The following STAB1 variants were observed in gnomAD, a reference collection of about 807,000 sequenced individuals.
The protein encoded by STAB1 is stabilin 1.
STAB1 carries 250 observed loss-of-function variants against 332.4 expected under a neutral mutation model. That is an observed-to-expected ratio of 0.75 (90% CI 0.68 to 0.84). The LOEUF (loss-of-function observed/expected upper bound fraction) is 0.84, where lower values mean the gene tolerates loss of function less well. STAB1 is among the 40% of genes least tolerant of loss of function. STAB1 has a pLI of 0.00. For synonymous variants in STAB1, 1,475 were observed against 1,390.4 expected (o/e 1.06, Z -1.35); for missense variants, 3,249 against 3,489.7 (o/e 0.93, Z 1.74).
At chr3:52,498,539 G>A (rs911611945) in intron 1 of STAB1, among the ~76,000 whole-genome samples, 9 of 152,262 alleles carry the variant, frequency 5.9e-5, no homozygotes, top group African/African-American at 1.9e-4. Flanking sequence ...GGTCCTGTGA[G>A]TGAGTGTCCA....
At chr3:52,516,802 A>G in intron 41 of STAB1, 34 bp downstream of exon 41, 1 of 1,598,264 alleles carries the variant, frequency 6.3e-7, no homozygotes, top group Non-Finnish European at 8.5e-7. Context: ...GCCCTCCCTG[A>G]AATTTTGGGG....
Position 52,503,329 on chromosome 3 carries a change from T to C in STAB1, c.695-15T>C. On this transcript the variant is annotated splice_polypyrimidine_tract_variant and intron_variant, in intron 7 of 68. Coordinates refer to ENST00000321725, the MANE Select transcript of STAB1 (RefSeq NM_015136.3). ...GGGTGCTTGGCTCACTTGGGCTCTC[T>C]CTCTGCCCTGGCAGCCCCCAACCCC... The C allele has an allele frequency of 1.2e-6, 2 of 1,600,380 alleles. No individual in the cohort carries two copies. The highest frequency in any genetic ancestry group is 1.7e-6 in the Non-Finnish European group (2 of 1,172,340).
In STAB1 at chr3:52,504,830, G is replaced by A. The variant is rs755168373; in HGVS notation, c.1331G>A (p.Trp444Ter). Residue 444 changes from tryptophan to a stop codon, truncating the protein, a stop_gained, in exon 12 of 69, where the codon TGG (tryptophan) becomes TAG (stop). Coordinates refer to ENST00000321725, the MANE Select transcript of STAB1 (RefSeq NM_015136.3). LOFTEE classifies it high-confidence loss of function. ...DTRTQQTRRWWTLAGQEITVT... is the reference protein window; with the variant it reads ...DTRTQQTRRW ...AGGACCCAACAAACACGAAGGTGGT[G>A]GACGCTGGCCGGGCAGGAGATCACC... 8 of 1,613,824 alleles carry A rather than the reference G, an allele frequency of 5.0e-6. No individual in the cohort carries two copies. Among genetic ancestry groups the A allele is most frequent in the Non-Finnish European group, 5.1e-6 (6 of 1,180,026 alleles).
In STAB1 at chr3:52,519,395, C is replaced by CA. The variant is rs757154764; in HGVS notation, c.5167dup (p.Ile1723AsnfsTer37). The CA allele has an allele frequency of 1.9e-6, 3 of 1,613,058 alleles. No individual in the cohort carries two copies. Among genetic ancestry groups the CA allele is most frequent in the Non-Finnish European group, 2.5e-6 (3 of 1,179,960 alleles). ...TGCACTGGGAGCCTGATGATGCTCC[C>CA]ATCCCGAGGGTATGACAAGCACGGG... On this transcript the variant is annotated frameshift_variant, in exon 49 of 69. Transcript: ENST00000321725. LOFTEE classifies it high-confidence loss of function.
chr3:52,505,790 A>G lies in STAB1; in HGVS notation c.1695+9A>G. 1 of 1,612,154 alleles carries G rather than the reference A, an allele frequency of 6.2e-7. No homozygotes were observed. The highest frequency in any genetic ancestry group is 8.5e-7 in the Non-Finnish European group (1 of 1,178,518). On this transcript the variant is annotated intron_variant, in intron 15 of 68. Coordinates refer to ENST00000321725, the MANE Select transcript of STAB1 (RefSeq NM_015136.3). Reference sequence around the variant, plus strand: ...TCTACCTCTTCACAGCGGTAAGCTCAGCGGGAGAAGGGGCTGCGGGTATGG... The same window carrying G: ...TCTACCTCTTCACAGCGGTAAGCTCGGCGGGAGAAGGGGCTGCGGGTATGG...
chr3:52,518,630 G>A lies in STAB1; in HGVS notation c.4887+17G>A. On this transcript the variant is annotated intron_variant, in intron 47 of 68. Transcript: ENST00000321725. ...CTGTCGCAGGTATGCAGCCCCCAGAGCGAGGCTGGGCAGGGCTGGGTGCTC... is the reference window on the plus strand; with the variant it reads ...CTGTCGCAGGTATGCAGCCCCCAGAACGAGGCTGGGCAGGGCTGGGTGCTC... 1.9e-6 allele frequency: 3 copies of A among 1,609,686 alleles called. No homozygotes were observed. The South Asian group carries it at 3.3e-5, about 18-fold the overall frequency.
chr3:52,521,787 C>T lies in STAB1; in HGVS notation c.6164-57C>T, dbSNP rs1575368033. The T allele has an allele frequency of 3.1e-6, 5 of 1,597,540 alleles. No homozygotes were observed. The South Asian group carries it at 5.6e-5, about 18-fold the overall frequency. ...AGGCACCAAGGGTGGGTGGAACGGG[C>T]AGAGGCCAGGAAGGCAACTACTAAC... On this transcript the variant is annotated intron_variant, in intron 57 of 68. Transcript: ENST00000321725.
intron 14 of STAB1, 76 bp downstream of exon 14, chr3:52,505,457 C>A: frequency 1.4e-6 from 2 of 1,471,936 alleles, no homozygotes; most frequent in South Asian, 2.4e-5. Flanking sequence ...CCAGATTCTG[C>A]CCCACAGTGA....
At chr3:52,506,529 T>C (rs565629965) in intron 17 of STAB1, among the ~76,000 whole-genome samples, 163 bp from the exon 18 acceptor site, 1 of 152,328 alleles carries the variant, frequency 6.6e-6, no homozygotes, top group African/African-American at 2.4e-5. Flanking sequence ...AGCAGTGTCG[T>C]TGGCCAGAGC....
rs777278008 is a variant in STAB1 at position 52,523,966 on chromosome 3, C to T, written c.7491C>T (p.Leu2497=). 8.1e-5 allele frequency: 130 copies of T among 1,611,702 alleles called. 1 individual carries two copies. The South Asian group carries it at 1.3e-3, about 16-fold the overall frequency. Residue 2497 remains leucine, a synonymous_variant, in exon 67 of 69, where the codon CTC becomes CTT. Transcript: ENST00000321725. ...GALLGLVAGA[L]YLRARGKPMG... is the part of the protein sequence containing the mutation. Reference sequence around the variant, plus strand: ...TGCTTGGCTTGGTGGCCGGAGCTCTCTACCTCCGTGCCCGAGGCAAGCCCA... The same window carrying T: ...TGCTTGGCTTGGTGGCCGGAGCTCTTTACCTCCGTGCCCGAGGCAAGCCCA...
Position 52,520,072 on chromosome 3 carries a change from T to C in STAB1, c.5364T>C (p.Arg1788=). 2 of 1,612,172 alleles carry C rather than the reference T, an allele frequency of 1.2e-6. No homozygotes were observed. Among genetic ancestry groups the C allele is most frequent in the Non-Finnish European group, 1.7e-6 (2 of 1,179,494 alleles). Residue 1788 remains arginine (R), a synonymous_variant, in exon 51 of 69, where the codon CGT becomes CGC. Transcript: ENST00000321725. ...CCTGGCTGTACCATGAGGACCACCGTGACAAGCTAGCAGCCATTCTGCGGG... is the reference window on the plus strand; with the variant it reads ...CCTGGCTGTACCATGAGGACCACCGCGACAAGCTAGCAGCCATTCTGCGGG... ...RQAWLYHEDH[R]DKLAAILRGH... is the part of the protein sequence containing the mutation.
chr3:52,520,290 C>T lies in STAB1; in HGVS notation c.5499C>T (p.Ala1833=), dbSNP rs778502201. The T allele has an allele frequency of 5.5e-5, 88 of 1,613,050 alleles. No homozygotes were observed. Among genetic ancestry groups the T allele is most frequent in the Admixed American group, 2.2e-4 (13 of 60,034 alleles). The change falls in exon 52 of 69, where the codon GCC becomes GCT. Residue 1833 remains alanine, a splice_region_variant and synonymous_variant. Coordinates refer to ENST00000321725, the MANE Select transcript of STAB1 (RefSeq NM_015136.3). ...PISFSCSRTR[A]GELMVGEDDA... is the part of the protein sequence containing the mutation. ...CTTTCTCCTGCAGCCGAACGCGGGC[C>T]GTGAGTCTGGGGAGAGGGCTTGGAT... is the stretch of plus-strand genomic sequence containing the variant.
chr3:52,501,063 G>A (rs1708408340), intron 1 of STAB1, 103 bp from the exon 2 acceptor site: 1 of 1,493,036 alleles, frequency 6.7e-7, no homozygotes, highest in African/African-American at 1.4e-5. Context: ...TGAGCAGATG[G>A]GAAGTGGCAG....
intron 3 of STAB1, 119 bp from the exon 4 acceptor site, chr3:52,501,887 C>G (rs1310379244): frequency 7.0e-7 from 1 of 1,424,300 alleles, no homozygotes; most frequent in Non-Finnish European, 9.7e-7. Flanking sequence ...CTCCAAGGCT[C>G]GGCCCCCTTG....
Position 52,510,134 on chromosome 3 carries a change from A to G in STAB1, c.2535-8A>G. On this transcript the variant is annotated splice_polypyrimidine_tract_variant and splice_region_variant and intron_variant, in intron 23 of 68. Coordinates refer to ENST00000321725, the MANE Select transcript of STAB1 (RefSeq NM_015136.3). ...CTCACTGGAGCCCCCTCCTTCACCCACCCCCAGATGTCGCTGTCTTGATGG... is the reference window on the plus strand; with the variant it reads ...CTCACTGGAGCCCCCTCCTTCACCCGCCCCCAGATGTCGCTGTCTTGATGG... 6.2e-7 allele frequency: 1 copy of G among 1,612,990 alleles called. No individual in the cohort carries two copies. Among genetic ancestry groups the G allele is most frequent in the Non-Finnish European group, 8.5e-7 (1 of 1,179,850 alleles).
chr3:52,513,593 T>C, intron 30 of STAB1, 124 bp from the exon 31 acceptor site: 2 of 982,738 alleles, frequency 2.0e-6, no homozygotes, highest in Non-Finnish European at 3.0e-6. Flanking sequence ...GAACCCAGCT[T>C]GTGGGCCAGC....
chr3:52,497,613 A>G (rs1426306478), intron 1 of STAB1, among the ~76,000 whole-genome samples: 6 of 151,782 alleles, frequency 4.0e-5, no homozygotes, highest in Non-Finnish European at 8.8e-5. Context: ...GGGTTTCTCC[A>G]TGTTAGCCAG....
At position 52,523,857 on chromosome 3, in the gene STAB1, C is replaced by CTGTT. The variant is rs754687566; in HGVS notation, c.7396-6_7396-3dup. 2.5e-6 allele frequency: 4 copies of CTGTT among 1,593,486 alleles called. No homozygotes were observed. Among genetic ancestry groups the CTGTT allele is most frequent in the Middle Eastern group, 1.7e-4 (1 of 6,036 alleles). ...AGCTCCCGCCAGGTCAACACTCTCC[C>CTGTT]TGTTTGTTTGTAGCAGGCAGTGCTG... On this transcript the variant is annotated splice_polypyrimidine_tract_variant and intron_variant, in intron 66 of 68. Coordinates refer to ENST00000321725, the MANE Select transcript of STAB1 (RefSeq NM_015136.3).
At chr3:52,508,838 T>C (rs976969525) in intron 21 of STAB1, among the ~76,000 whole-genome samples, 2 of 151,616 alleles carry the variant, frequency 1.3e-5, no homozygotes, top group African/African-American at 2.4e-5. Flanking sequence ...ACAATAATAA[T>C]AATAATAATA....
Sources: allele counts gnomAD v4.1 joint callset (sites outside exome capture counted in the v4.1 genomes callset), GRCh38; gene constraint gnomAD v4.1.1; transcripts MANE v1.5; gene names NCBI Gene and HGNC (gene_info 2026-07-23, HGNC 2026-07-21).